FAM13A: variants seen among roughly 807,000 people sequenced by gnomAD.
FAM13A encodes protein FAM13A.
FAM13A carries 76 observed loss-of-function variants against 129.6 expected under a neutral mutation model. The ratio of observed to expected loss-of-function variants is 0.59; its 90% CI spans 0.49 to 0.71. The LOEUF (loss-of-function observed/expected upper bound fraction) is 0.71. Ranked by LOEUF, FAM13A falls within the 30% of genes least tolerant of loss-of-function variation. The pLI is 0.00. For synonymous variants in FAM13A, 443 were observed against 449.9 expected, an observed-to-expected ratio of 0.98 and a Z score of 0.20; for missense variants, 1,108 against 1,249.3, an observed-to-expected ratio of 0.89 and a Z score of 1.70.
chr4:88,817,610 T>C (rs1037216184), intron 7 of FAM13A, among the ~76,000 whole-genome samples: 9 of 151,890 alleles, frequency 5.9e-5, no homozygotes, highest in African/African-American at 1.9e-4. Context: ...TAAGAATAAA[T>C]AGTGCATTAA....
chr4:88,839,015 G>A (rs1311029744), intron 7 of FAM13A, among the ~76,000 whole-genome samples: 1 of 151,616 alleles, frequency 6.6e-6, no homozygotes, highest in African/African-American at 2.4e-5. Flanking sequence ...TCTATATAAA[G>A]AATATTAAAT....
At chr4:89,054,223 C>CT (rs1189997880) in intron 1 of FAM13A, among the ~76,000 whole-genome samples, 1 of 151,960 alleles carries the variant, frequency 6.6e-6, no homozygotes, top group African/African-American at 2.4e-5. Context: ...GACATAGAAA[C>CT]TGAGTTTATT....
At chr4:88,844,748 G>C (rs969281281) in intron 7 of FAM13A, among the ~76,000 whole-genome samples, 1 of 152,182 alleles carries the variant, frequency 6.6e-6, no homozygotes, top group East Asian at 1.9e-4. Context: ...CTGAGCAGGA[G>C]TGGAGTCTGT....
chr4:89,033,976 C>A (rs1769034924), intron 1 of FAM13A, among the ~76,000 whole-genome samples: 1 of 152,096 alleles, frequency 6.6e-6, no homozygotes, highest in Non-Finnish European at 1.5e-5. Context: ...CTATAAAAAT[C>A]CTGTAAGAAA....
intron 1 of FAM13A, among the ~76,000 whole-genome samples, chr4:89,031,011 TTTAG>T (rs1172457215): frequency 1.3e-5 from 2 of 152,140 alleles, no homozygotes; most frequent in South Asian, 2.1e-4. Flanking sequence ...ACAATACAGA[TTTAG>T]TATCTATTAA....
chr4:88,956,479 A>G (rs910503139), intron 4 of FAM13A, among the ~76,000 whole-genome samples: 8 of 152,234 alleles, frequency 5.3e-5, no homozygotes, highest in African/African-American at 1.9e-4. Flanking sequence ...ATTTCTCAAC[A>G]TGACTGTATA....
At chr4:88,838,466 G>T (rs1342593507) in intron 7 of FAM13A, among the ~76,000 whole-genome samples, 1 of 152,148 alleles carries the variant, frequency 6.6e-6, no homozygotes, top group African/African-American at 2.4e-5. Context: ...GGCCGGGCAC[G>T]GTGGCTCATG....
At chr4:88,942,614 C>T (rs1754965635) in intron 4 of FAM13A, among the ~76,000 whole-genome samples, 1 of 150,946 alleles carries the variant, frequency 6.6e-6, no homozygotes, top group Admixed American at 6.6e-5. Context: ...AAATAGGGTT[C>T]TAAAATTGCT....
intron 7 of FAM13A, among the ~76,000 whole-genome samples, chr4:88,826,669 T>TATA (rs916412540): frequency 6.6e-6 from 1 of 152,180 alleles, no homozygotes; most frequent in African/African-American, 2.4e-5. Flanking sequence ...GATCATCAAA[T>TATA]ATAAGCGAGT....
intron 5 of FAM13A, among the ~76,000 whole-genome samples, chr4:88,911,686 C>T (rs917175566): frequency 6.6e-5 from 10 of 152,192 alleles, no homozygotes; most frequent in Non-Finnish European, 4.4e-5. Context: ...CCTTTCATCT[C>T]CCCAAAGGCT....
At chr4:88,753,801 G>T (rs1743111767) in intron 14 of FAM13A, 1 of 157,694 alleles carries the variant, frequency 6.3e-6, no homozygotes, top group Admixed American at 6.5e-5. Context: ...TTGATAGTTG[G>T]CACTCAACTA....
chr4:88,805,204 G>A, intron 7 of FAM13A, 152 bp from the exon 8 acceptor site: 2 of 594,920 alleles, frequency 3.4e-6, no homozygotes, highest in Non-Finnish European at 6.1e-6. Flanking sequence ...ATCCACCTCG[G>A]ACCTAGCCAA....
intron 4 of FAM13A, among the ~76,000 whole-genome samples, chr4:88,987,651 G>A (rs1047956032): frequency 2.0e-5 from 3 of 151,404 alleles, no homozygotes; most frequent in South Asian, 2.1e-4. Context: ...TCAGGAGATC[G>A]AGACCATGGT....
chr4:88,828,680 T>A (rs1252295689), intron 7 of FAM13A, among the ~76,000 whole-genome samples: 1 of 152,178 alleles, frequency 6.6e-6, no homozygotes, highest in Non-Finnish European at 1.5e-5. Context: ...GAAGTATAGC[T>A]CCTTTTATTA....
At chr4:89,016,933 T>C (rs1766574876) in intron 3 of FAM13A, among the ~76,000 whole-genome samples, 1 of 152,188 alleles carries the variant, frequency 6.6e-6, no homozygotes, top group Non-Finnish European at 1.5e-5. Context: ...AGGCCAGGCC[T>C]ACTGTACCTT....
chr4:88,962,188 G>T (rs1311311185), intron 4 of FAM13A, among the ~76,000 whole-genome samples: 3 of 151,686 alleles, frequency 2.0e-5, no homozygotes, highest in Non-Finnish European at 4.4e-5. Context: ...CAGCAAAAAT[G>T]TCACAGAGGA....
At chr4:88,848,511 A>G (rs1374676442) in intron 7 of FAM13A, among the ~76,000 whole-genome samples, 1 of 152,204 alleles carries the variant, frequency 6.6e-6, no homozygotes, top group Admixed American at 6.5e-5. Context: ...CCCTCCTGTA[A>G]GCAGTAGTCT....
chr4:88,852,796 A>G lies in FAM13A; in HGVS notation c.844-1613T>C, dbSNP rs1737829180. Among the ~76,000 whole-genome samples, 5 of 152,336 alleles carry G rather than the reference A, an allele frequency of 3.3e-5. No individual in the cohort carries two copies. In the South Asian group the frequency reaches 8.3e-4, roughly 25 times the overall value. Reference sequence around the variant, plus strand: ...TTGACTATCCCAGAGGATAGTTAATAAAACAGATAATTTTTAAAAGTAATA... The same window carrying G: ...TTGACTATCCCAGAGGATAGTTAATGAAACAGATAATTTTTAAAAGTAATA... On this transcript the variant is annotated intron_variant, in intron 6 of 23. Coordinates refer to ENST00000264344, the MANE Select transcript of FAM13A (RefSeq NM_014883.4).
In FAM13A at chr4:88,948,877, T is replaced by C. The variant is rs189920500; in HGVS notation, c.606-10636A>G. On this transcript the variant is annotated intron_variant, in intron 4 of 23. Coordinates refer to ENST00000264344, the MANE Select transcript of FAM13A (RefSeq NM_014883.4). ...AAAGATACATTTTATAGCATGTAGA[T>C]TGTACTTCAGGAAAACTAACTCTCT... Among the ~76,000 whole-genome samples the C allele has an allele frequency of 2.0e-4, 31 of 152,302 alleles. No individual in the cohort carries two copies. In the East Asian group the frequency reaches 6.0e-3, roughly 29 times the overall value.
Sources: gnomAD v4.1 joint callset for allele counts (sites outside exome capture counted in the v4.1 genomes callset) on GRCh38, gnomAD v4.1.1 for gene constraint, MANE v1.5 for transcripts, NCBI Gene and HGNC (gene_info 2026-07-23, HGNC 2026-07-21) for gene names.